EXOSC7: variants seen among roughly 807,000 people sequenced by gnomAD.
EXOSC7 encodes the protein exosome component 7.
EXOSC7 carries 25 observed loss-of-function variants against 34.3 expected under a neutral mutation model. That is an observed-to-expected ratio of 0.73 (90% confidence interval 0.53 to 1.02). The LOEUF is 1.02. EXOSC7 is among the 50% of genes least tolerant of loss of function. The pLI is 0.00. For synonymous variants in EXOSC7, 130 were observed against 143.0 expected, an observed-to-expected ratio of 0.91 and a Z score of 0.65; for missense variants, 370 against 368.5, an observed-to-expected ratio of 1.00 and a Z score of -0.03.
chr3:44,977,119 C>T (rs776728353), intron 1 of EXOSC7: 3 of 152,220 alleles, frequency 2.0e-5, no homozygotes, highest in Admixed American at 2.0e-4. Context: ...GCAGCTATAA[C>T]CTAATGTCCT....
At chr3:44,976,976 G>C (rs1309236217) in intron 1 of EXOSC7, 1 of 152,240 alleles carries the variant, frequency 6.6e-6, no homozygotes, top group Non-Finnish European at 1.5e-5. Flanking sequence ...CTACTCGGGA[G>C]ACTGAGGCAG....
chr3:45,003,928 T>C (rs1374628907), intron 5 of EXOSC7, among the ~76,000 whole-genome samples: 1 of 152,250 alleles, frequency 6.6e-6, no homozygotes, highest in East Asian at 1.9e-4. Context: ...CTTTTTGCTG[T>C]ATGGTGTTCC....
chr3:45,006,244 A>AT, intron 6 of EXOSC7, among the ~76,000 whole-genome samples: 1 of 149,358 alleles, frequency 6.7e-6, no homozygotes. Flanking sequence ...TGCCTGGCTA[A>AT]TTTTTGTATT....
intron 6 of EXOSC7, among the ~76,000 whole-genome samples, chr3:45,005,853 T>G (rs1196501827): frequency 6.6e-6 from 1 of 152,066 alleles, no homozygotes; most frequent in African/African-American, 2.4e-5. Context: ...GCTGTGGAGC[T>G]GAACATCAGG....
intron 4 of EXOSC7, among the ~76,000 whole-genome samples, chr3:45,000,561 C>G (rs895699356): frequency 6.6e-6 from 1 of 152,226 alleles, no homozygotes; most frequent in Non-Finnish European, 1.5e-5. Flanking sequence ...GCTAGATGAG[C>G]ATACGTAAGT....
intron 4 of EXOSC7, among the ~76,000 whole-genome samples, chr3:44,998,397 G>A (rs1486498812): frequency 2.0e-5 from 3 of 152,126 alleles, no homozygotes; most frequent in Admixed American, 6.5e-5. Context: ...GTATAATCAC[G>A]TAGCAGTTGG....
At chr3:44,986,897 T>A (rs539184824) in intron 1 of EXOSC7, among the ~76,000 whole-genome samples, 1 of 152,304 alleles carries the variant, frequency 6.6e-6, no homozygotes, top group Admixed American at 6.5e-5. Context: ...AAAGATAAAC[T>A]GTCAGTCACA....
At position 44,986,509 on chromosome 3, in the gene EXOSC7, C is replaced by T. The variant is rs567610639; in HGVS notation, c.58-2631C>T. ...ACACCTCCCAGCAAGCTGAGGGAGC[C>T]GGCTCCCACCTTGGCCAGCCCAGAA... On this transcript the variant is annotated intron_variant, in intron 1 of 7. Coordinates refer to ENST00000265564, the MANE Select transcript of EXOSC7 (RefSeq NM_015004.4). Among the ~76,000 whole-genome samples the T allele has an allele frequency of 3.3e-5, 5 of 152,328 alleles. No individual in the cohort carries two copies. In the South Asian group the frequency reaches 6.2e-4, roughly 19 times the overall value.
chr3:44,993,525 C>T (rs967144584), intron 3 of EXOSC7, among the ~76,000 whole-genome samples: 5 of 151,822 alleles, frequency 3.3e-5, no homozygotes, highest in East Asian at 1.9e-4. Flanking sequence ...CTCAGCCTAC[C>T]CCAGTTAAAC....
At chr3:45,001,935 G>A (rs1706894190) in intron 5 of EXOSC7, 2 of 279,586 alleles carry the variant, frequency 7.2e-6, no homozygotes, top group Non-Finnish European at 1.4e-5. Context: ...CTATTACTGG[G>A]TGAACTCTAT....
intron 6 of EXOSC7, among the ~76,000 whole-genome samples, chr3:45,005,835 CAT>C (rs1189916135): frequency 6.6e-6 from 1 of 152,062 alleles, no homozygotes; most frequent in African/African-American, 2.4e-5. Context: ...GTGGTTTTCA[CAT>C]AGAGGGCTGT....
intron 7 of EXOSC7, 80 bp downstream of exon 7, chr3:45,007,655 G>C: frequency 7.1e-7 from 1 of 1,411,136 alleles, no homozygotes; most frequent in Non-Finnish European, 9.5e-7. Context: ...CATACCGTGG[G>C]GATTCTCCCC....
Position 45,005,447 on chromosome 3 carries a change from C to G in EXOSC7, c.615+33C>G, listed in dbSNP as rs1258168518. 6.8e-6 allele frequency: 11 copies of G among 1,608,196 alleles called. No individual in the cohort carries two copies. The East Asian group carries it at 2.2e-4, about 33-fold the overall frequency. ...TTGTATTTTATGGTTTTTGTCTTCCCTGTGGGTGTGGGTCTCCTCTAATCC... is the reference window on the plus strand; with the variant it reads ...TTGTATTTTATGGTTTTTGTCTTCCGTGTGGGTGTGGGTCTCCTCTAATCC... On this transcript the variant is annotated intron_variant, in intron 6 of 7. Coordinates refer to ENST00000265564, the MANE Select transcript of EXOSC7 (RefSeq NM_015004.4).
chr3:44,986,781 T>C (rs1706430928), intron 1 of EXOSC7, among the ~76,000 whole-genome samples: 1 of 152,216 alleles, frequency 6.6e-6, no homozygotes, highest in Non-Finnish European at 1.5e-5. Context: ...CTGAAGCAAG[T>C]ATGGCAGAGG....
chr3:44,981,159 G>A (rs1575999994), intron 1 of EXOSC7, among the ~76,000 whole-genome samples: 1 of 152,286 alleles, frequency 6.6e-6, no homozygotes, highest in South Asian at 2.1e-4. Flanking sequence ...TAAAGTGTTG[G>A]GAAATTTGGG....
rs1707085523 is a variant in EXOSC7, at chr3:45,007,524, G to T, written c.720G>T (p.Arg240Ser). 6.2e-7 allele frequency: 1 copy of T among 1,613,766 alleles called. No homozygotes were observed. Among genetic ancestry groups the T allele is most frequent in the African/African-American group, 1.3e-5 (1 of 74,936 alleles). Residue 240 changes from arginine (R) to serine (S), a missense_variant, in exon 7 of 8, where the codon AGG (arginine) becomes AGT (serine). Coordinates refer to ENST00000265564, the MANE Select transcript of EXOSC7 (RefSeq NM_015004.4). The part of the protein sequence containing the change: ...VTSKGVVTCM[R>S]KVGKGSLDPE... Reference sequence around the variant, plus strand: ...GCAAGGGAGTTGTGACGTGCATGAGGAAAGTGGGGAAGGGCAGCCTGGACC... The same window carrying T: ...GCAAGGGAGTTGTGACGTGCATGAGTAAAGTGGGGAAGGGCAGCCTGGACC...
At chr3:45,004,530 A>G (rs1271907872) in intron 5 of EXOSC7, 1 of 146,840 alleles carries the variant, frequency 6.8e-6, no homozygotes, top group Non-Finnish European at 1.5e-5. Flanking sequence ...TACTGGGATT[A>G]CAGGCATGAG....
chr3:45,002,257 G>C (rs573433198), intron 5 of EXOSC7: 1 of 152,298 alleles, frequency 6.6e-6, no homozygotes, highest in South Asian at 2.1e-4. Flanking sequence ...GAGTAAATAC[G>C]TGGGATAGGG....
At chr3:44,978,390 A>T (rs1706181177) in intron 1 of EXOSC7, among the ~76,000 whole-genome samples, 1 of 152,288 alleles carries the variant, frequency 6.6e-6, no homozygotes, top group African/African-American at 2.4e-5. Flanking sequence ...CCCTAAATCC[A>T]TGTCAAGGAT....
Sources: allele counts gnomAD v4.1 joint callset (sites outside exome capture counted in the v4.1 genomes callset), GRCh38; gene constraint gnomAD v4.1.1; transcripts MANE v1.5; gene names NCBI Gene and HGNC (gene_info 2026-07-23, HGNC 2026-07-21).